Variants in COX20 observed in about 807,000 individuals in gnomAD.
COX20 encodes cytochrome c oxidase assembly protein COX20, mitochondrial.
A neutral mutation model predicts 14.3 loss-of-function variants in COX20; 14 were observed. The ratio of observed to expected loss-of-function variants is 0.98; its 90% confidence interval spans 0.65 to 1.53. The LOEUF (loss-of-function observed/expected upper bound fraction) is 1.53, where lower values mean the gene tolerates loss of function less well. Ranked by LOEUF, COX20 falls within the 40% of genes most tolerant of loss-of-function variation. The probability of loss-of-function intolerance (pLI) is 0.00; values close to 1 mark genes in which losing one functional copy is unlikely to be tolerated. For missense variants in COX20, 149 were observed against 142.1 expected, an observed-to-expected ratio of 1.05 and a Z score of -0.25; for synonymous variants, 56 against 51.7, an observed-to-expected ratio of 1.08 and a Z score of -0.36.
intron 1 of COX20, among the ~76,000 whole-genome samples, chr1:244,837,364 GTTAT>G (rs1227640439): frequency 2.6e-5 from 4 of 152,134 alleles, no homozygotes; most frequent in East Asian, 1.9e-4. Context: ...GAAGCCTGCG[GTTAT>G]TTTTTTTAAA....
chr1:244,837,899 G>C (rs1313639451), intron 1 of COX20, among the ~76,000 whole-genome samples: 2 of 152,200 alleles, frequency 1.3e-5, no homozygotes, highest in African/African-American at 4.8e-5. Flanking sequence ...AGGATTCTGA[G>C]CATAATCGGA....
chr1:244,837,485 T>C lies in COX20; in HGVS notation c.42+1729T>C, dbSNP rs369934687. Among the ~76,000 whole-genome samples, 9 of 152,324 alleles carry C rather than the reference T, an allele frequency of 5.9e-5. No homozygotes were observed. In the East Asian group the frequency reaches 1.5e-3, roughly 26 times the overall value. ...GAGTTACCAAGCTGGCATACCTTGA[T>C]AGAACTAGCCCCTAAAAACTGTCCT... is the stretch of plus-strand genomic sequence containing the variant. On this transcript the variant is annotated intron_variant, in intron 1 of 3. Coordinates refer to ENST00000411948, the MANE Select transcript of COX20 (RefSeq NM_198076.6).
chr1:244,838,498 CAATG>C (rs929403556), intron 1 of COX20, among the ~76,000 whole-genome samples: 38 of 152,126 alleles, frequency 2.5e-4, no homozygotes, highest in African/African-American at 8.9e-4. Context: ...ACAAAAATGT[CAATG>C]AAATAGAAAA....
chr1:244,836,478 T>A (rs1679988895), intron 1 of COX20: 1 of 1,550,238 alleles, frequency 6.5e-7, no homozygotes, highest in Admixed American at 2.0e-5. Context: ...TTTCCCCATC[T>A]TCCCAGGCAT....
chr1:244,841,992 C>T lies in COX20; in HGVS notation c.91C>T (p.Arg31Trp), dbSNP rs373824502. ...FLDVENTPCA[R>W]HSILYGSLGS... ...AGATGTTGAAAATACTCCCTGCGCC[C>T]GGCATTCAATATTGTATGGTTCATT... Residue 31 changes from arginine to tryptophan, a missense_variant, in exon 2 of 4, where the codon CGG (arginine) becomes TGG (tryptophan). Physicochemically the swap from Arg to Trp is moderately radical, Grantham distance 101. Coordinates refer to ENST00000411948, the MANE Select transcript of COX20 (RefSeq NM_198076.6). 3.8e-5 allele frequency: 61 copies of T among 1,611,642 alleles called. No homozygotes were observed. Among genetic ancestry groups the T allele is most frequent in the Admixed American group, 1.3e-4 (8 of 59,946 alleles).
In COX20 at chr1:244,844,779, A is replaced by G. The variant is rs536996774; in HGVS notation, c.*1603A>G. Reference sequence around the variant, plus strand: ...GACTCCATCTCAAAAAAAAAAAAAAATTCCATAGGATGTTCAACCATGTTT... The same window carrying G: ...GACTCCATCTCAAAAAAAAAAAAAAGTTCCATAGGATGTTCAACCATGTTT... On this transcript the variant is annotated 3_prime_UTR_variant, in exon 4 of 4. Coordinates refer to ENST00000411948, the MANE Select transcript of COX20 (RefSeq NM_198076.6). 1 of 152,120 alleles carries G rather than the reference A, an allele frequency of 6.6e-6. No homozygotes were observed. Among genetic ancestry groups the G allele is most frequent in the African/African-American group, 2.4e-5 (1 of 41,504 alleles). The allele number at this position is 152,120 out of a possible 1,614,324, so 9.4% of individuals were successfully genotyped here. A position where few individuals can be genotyped will look rare whatever the true frequency, so the allele number is the denominator to read the frequency against.
intron 2 of COX20, 34 bp downstream of exon 2, chr1:244,842,092 T>TAAA (rs761779060): frequency 1.3e-6 from 2 of 1,534,078 alleles, no homozygotes; most frequent in Non-Finnish European, 9.0e-7. Context: ...CTCTATGTAC[T>TAAA]AAAAAAAGCA....
chr1:244,835,450 C>G (rs74441001), upstream of COX20: 2 of 372,452 alleles, frequency 5.4e-6, no homozygotes, highest in East Asian at 3.9e-5. Context: ...CCGAACCCAT[C>G]TCCTTCCGCT....
At chr1:244,841,858 A>G (rs1382346027) in intron 1 of COX20, 86 bp from the exon 2 acceptor site, 3 of 771,592 alleles carry the variant, frequency 3.9e-6, no homozygotes, top group Non-Finnish European at 6.6e-6. Context: ...ACTACAAGAA[A>G]AGAAATGGTG....
At chr1:244,835,347 G>T (rs1679923971), upstream of COX20, 2 of 214,082 alleles carry the variant, frequency 9.3e-6, no homozygotes, top group Admixed American at 5.9e-5. Flanking sequence ...AGAAATGGCG[G>T]TTGGGGCGGA....
upstream of COX20, chr1:244,835,549 G>GC: frequency 2.3e-6 from 1 of 427,566 alleles, no homozygotes; most frequent in East Asian, 3.6e-5. Flanking sequence ...GCCCCGTGCG[G>GC]CCACTGCGGA....
Position 244,844,896 on chromosome 1 carries a change from T to C in COX20, c.*1720T>C, listed in dbSNP as rs1252844533. The C allele has an allele frequency of 2.6e-5, 4 of 152,424 alleles. No homozygotes were observed. In the East Asian group the frequency reaches 7.7e-4, roughly 29 times the overall value. The allele number at this position is 152,424 out of a possible 1,614,324, so 9.4% of individuals were successfully genotyped here. A position where few individuals can be genotyped will look rare whatever the true frequency, so the allele number is the denominator to read the frequency against. On this transcript the variant is annotated 3_prime_UTR_variant, in exon 4 of 4. Transcript: ENST00000411948. ...CAAAATATGGACAGGCCACTTATGC[T>C]CAGTTTTACCTTAGTTATTCCTTGG...
At chr1:244,842,949 GTATT>G in intron 3 of COX20, 88 bp from the exon 4 acceptor site, 4 of 980,444 alleles carry the variant, frequency 4.1e-6, no homozygotes, top group Non-Finnish European at 5.8e-6. Context: ...GTAGTCATCT[GTATT>G]TAAGTTTTGT....
rs863223946 is a variant in COX20 at position 244,843,045 on chromosome 1, C to A, written c.226C>A (p.His76Asn). ...TTCATATTCTTTTCTTCTAAGGTTT[C>A]ATTGTAGGTATAATTATGCAAAGCA... ...FILVTLGCWF[H>N]CRYNYAKQRI... The change falls in exon 4 of 4, where the codon CAT becomes AAT. Residue 76 changes from histidine (H) to asparagine (N), a missense_variant. By Grantham distance (68) the His-to-Asn change is moderately conservative (BLOSUM62 1). Transcript: ENST00000411948. 4.5e-6 allele frequency: 7 copies of A among 1,548,780 alleles called. No individual in the cohort carries two copies. The highest frequency in any genetic ancestry group is 6.1e-6 in the Non-Finnish European group (7 of 1,150,002).
At chr1:244,842,147 T>A in intron 2 of COX20, 48 bp from the exon 3 acceptor site, 1 of 1,446,622 alleles carries the variant, frequency 6.9e-7, no homozygotes, top group Non-Finnish European at 9.7e-7. Context: ...TGGAGTAATG[T>A]ATATAACGTA....
chr1:244,842,990 A>G, intron 3 of COX20, 51 bp from the exon 4 acceptor site: 1 of 1,329,704 alleles, frequency 7.5e-7, no homozygotes, highest in Non-Finnish European at 1.0e-6. Flanking sequence ...TCATAAATTA[A>G]TTTCTGTAGG....
chr1:244,836,608 T>G, intron 1 of COX20: 6 of 1,204,846 alleles, frequency 5.0e-6, no homozygotes, highest in Non-Finnish European at 7.1e-6. Context: ...GAACAGGTAT[T>G]CAGAAAAGAA....
rs141793417 is a variant in COX20 at position 244,838,725 on chromosome 1, A to G, written c.42+2969A>G. 2.0e-5 allele frequency among the ~76,000 whole-genome samples: 3 copies of G among 152,266 alleles called. No individual in the cohort carries two copies. In the East Asian group the frequency reaches 5.8e-4, roughly 29 times the overall value. ...TAAGTAGAAAAGCACACCTACACTC[A>G]GAAGTTTTGCCCCAAAAGGATGGTG... On this transcript the variant is annotated intron_variant, in intron 1 of 3. Coordinates refer to ENST00000411948, the MANE Select transcript of COX20 (RefSeq NM_198076.6).
chr1:244,842,605 C>T, intron 3 of COX20: 1 of 279,724 alleles, frequency 3.6e-6, no homozygotes, highest in Non-Finnish European at 6.8e-6. Context: ...ATGGATGAAC[C>T]TCAAATATTT....
Sources: allele counts gnomAD v4.1 joint callset (sites outside exome capture counted in the v4.1 genomes callset), GRCh38; gene constraint gnomAD v4.1.1; transcripts MANE v1.5; gene names NCBI Gene and HGNC (gene_info 2026-07-23, HGNC 2026-07-21).